Variants in FDFT1 observed in about 807,000 individuals in gnomAD.
FDFT1 encodes the protein squalene synthase.
A neutral mutation model predicts 46.8 loss-of-function variants in FDFT1; 68 were observed. The observed-to-expected ratio is 1.45, with a 90% CI of 1.19 to 1.78. The LOEUF (loss-of-function observed/expected upper bound fraction) is 1.78, where lower values mean the gene tolerates loss of function less well. FDFT1 is among the 40% of genes most tolerant of loss of function. FDFT1 has a pLI of 0.00. For synonymous variants in FDFT1, 351 were observed against 185.1 expected, an observed-to-expected ratio of 1.90 and a Z score of -7.28; for missense variants, 928 against 524.4, an observed-to-expected ratio of 1.77 and a Z score of -7.52.
At chr8:11,831,313 C>T (rs1326751593) in intron 6 of FDFT1, among the ~76,000 whole-genome samples, 1 of 152,106 alleles carries the variant, frequency 6.6e-6, no homozygotes, top group Non-Finnish European at 1.5e-5. Context: ...CTGCTTAATT[C>T]TGTGTGTTGT....
At chr8:11,826,312 G>C (rs1809980532) in intron 5 of FDFT1, 97 bp downstream of exon 5, 1 of 879,088 alleles carries the variant, frequency 1.1e-6, no homozygotes, top group Non-Finnish European at 1.7e-6. Context: ...AAACAAGTCA[G>C]GCCTCCCCCA....
intron 3 of FDFT1, among the ~76,000 whole-genome samples, chr8:11,812,013 C>G (rs888494454): frequency 6.6e-6 from 1 of 152,152 alleles, no homozygotes; most frequent in African/African-American, 2.4e-5. Flanking sequence ...CAGCTTTTGG[C>G]TAAGAGGTCC....
intron 5 of FDFT1, among the ~76,000 whole-genome samples, chr8:11,829,482 T>G (rs2645413): frequency 1.3e-5 from 2 of 152,384 alleles, no homozygotes; most frequent in South Asian, 2.1e-4. Context: ...TTTCAGCAGC[T>G]TTCTTACCAG....
intron 1 of FDFT1, chr8:11,808,541 C>T (rs1807212588): frequency 7.5e-7 from 1 of 1,340,884 alleles, no homozygotes; most frequent in South Asian, 2.0e-5. Flanking sequence ...CCTGCGGCAC[C>T]AAGGCCATGG....
At chr8:11,815,384 C>T (rs1350624198) in intron 3 of FDFT1, among the ~76,000 whole-genome samples, 1 of 152,108 alleles carries the variant, frequency 6.6e-6, no homozygotes, top group Admixed American at 6.6e-5. Context: ...GGTATATGCC[C>T]AGTAATGGGA....
chr8:11,823,185 G>C (rs1222012937), intron 4 of FDFT1, among the ~76,000 whole-genome samples: 2 of 152,030 alleles, frequency 1.3e-5, no homozygotes, highest in Admixed American at 6.6e-5. Context: ...CAAACTCCTG[G>C]CATCAAACAG....
At chr8:11,802,469 A>G (rs560529195), upstream of FDFT1, 13 of 471,386 alleles carry the variant, frequency 2.8e-5, no homozygotes, top group Middle Eastern at 3.2e-4. Flanking sequence ...AGCGGAAGAA[A>G]ACAAAGGCCC....
Position 11,836,961 on chromosome 8 carries a change from C to T in FDFT1, c.1033-1427C>T, listed in dbSNP as rs149865607. ...AGATAAAAAGGTGAGTAAGTAGGTGCGGTGTAGTCAGGGTGAAAACTACAG... is the reference window on the plus strand; with the variant it reads ...AGATAAAAAGGTGAGTAAGTAGGTGTGGTGTAGTCAGGGTGAAAACTACAG... On this transcript the variant is annotated intron_variant, in intron 7 of 7. Coordinates refer to ENST00000220584, the MANE Select transcript of FDFT1 (RefSeq NM_004462.5). Among the ~76,000 whole-genome samples, 11 of 152,312 alleles carry T rather than the reference C, an allele frequency of 7.2e-5. No individual in the cohort carries two copies. The East Asian group carries it at 1.2e-3, about 16-fold the overall frequency.
intron 1 of FDFT1, among the ~76,000 whole-genome samples, chr8:11,807,337 CTTTT>C (rs1055177138): frequency 3.2e-5 from 1 of 31,162 alleles, no homozygotes; most frequent in African/African-American, 7.0e-5. Flanking sequence ...TTTTTAAAAA[CTTTT>C]TTATGAACAC....
chr8:11,812,635 G>A (rs563674809), intron 3 of FDFT1, among the ~76,000 whole-genome samples: 1 of 152,314 alleles, frequency 6.6e-6, no homozygotes, highest in South Asian at 2.1e-4. Context: ...TTTTACTTAA[G>A]TTACTAGCTC....
intron 7 of FDFT1, among the ~76,000 whole-genome samples, chr8:11,836,086 G>C (rs990841572): frequency 2.6e-5 from 4 of 151,338 alleles, no homozygotes; most frequent in Non-Finnish European, 5.9e-5. Context: ...CTGGGAAGTG[G>C]AGGCTGCAGT....
At chr8:11,820,957 G>C (rs969681062) in intron 3 of FDFT1, among the ~76,000 whole-genome samples, 2 of 152,208 alleles carry the variant, frequency 1.3e-5, no homozygotes, top group Non-Finnish European at 2.9e-5. Context: ...CATCGATCTT[G>C]CTGGGAGCTG....
At chr8:11,830,191 A>C in intron 5 of FDFT1, 53 bp from the exon 6 acceptor site, 1 of 1,399,986 alleles carries the variant, frequency 7.1e-7, no homozygotes, top group Non-Finnish European at 1.0e-6. Flanking sequence ...ATTGTTTGTA[A>C]ATTCTCCCCT....
intron 3 of FDFT1, among the ~76,000 whole-genome samples, chr8:11,814,920 C>T (rs1808233914): frequency 6.6e-6 from 1 of 151,816 alleles, no homozygotes. Context: ...GCACAACGTG[C>T]AGGTTTGTTA....
intron 4 of FDFT1, among the ~76,000 whole-genome samples, chr8:11,823,354 T>G (rs773253237): frequency 5.0e-4 from 76 of 152,248 alleles, no homozygotes; most frequent in Admixed American, 3.3e-4. Context: ...TCAAATATAT[T>G]TTTGGATAGT....
At chr8:11,814,128 T>C (rs1417184630) in intron 3 of FDFT1, among the ~76,000 whole-genome samples, 2 of 152,154 alleles carry the variant, frequency 1.3e-5, no homozygotes, top group African/African-American at 4.8e-5. Context: ...TAACCAAGGA[T>C]CTGTGGAATG....
chr8:11,802,954 C>T lies in FDFT1; in HGVS notation c.99+23C>T, dbSNP rs763551657. 71 of 1,579,742 alleles carry T rather than the reference C, an allele frequency of 4.5e-5. No individual in the cohort carries two copies. The Admixed American group carries it at 1.2e-3, about 28-fold the overall frequency. ...CAGGTGGGCCGAGCCTCCCTGCTTG[C>T]CCGGGGCGGGGAAGGAGCTCGCTGG... is the stretch of plus-strand genomic sequence containing the variant. On this transcript the variant is annotated intron_variant, in intron 1 of 7. Coordinates refer to ENST00000220584, the MANE Select transcript of FDFT1 (RefSeq NM_004462.5).
chr8:11,803,376 C>T (rs1161782243), intron 1 of FDFT1: 6 of 1,289,800 alleles, frequency 4.7e-6, no homozygotes, highest in Non-Finnish European at 6.1e-6. Flanking sequence ...CCAGTTTCAC[C>T]ACCTCTTCCG....
At chr8:11,825,349 G>C (rs111808561) in intron 4 of FDFT1, among the ~76,000 whole-genome samples, 20,213 of 151,756 alleles carry the variant, frequency 0.13, 1,456 homozygotes, top group Middle Eastern at 0.16. Context: ...CGAGACCAGC[G>C]TGGCCAACAT....
Sources: gnomAD v4.1 joint callset for allele counts (sites outside exome capture counted in the v4.1 genomes callset) on GRCh38, gnomAD v4.1.1 for gene constraint, MANE v1.5 for transcripts, NCBI Gene and HGNC (gene_info 2026-07-23, HGNC 2026-07-21) for gene names.